Variants in NYAP2 observed in about 807,000 individuals in gnomAD.
The protein encoded by NYAP2 is neuronal tyrosine-phosphorylated phosphoinositide-3-kinase adapter 2.
A neutral mutation model predicts 50.4 loss-of-function variants in NYAP2; 23 were observed. The ratio of observed to expected loss-of-function variants is 0.46; its 90% confidence interval spans 0.33 to 0.65. NYAP2 has a LOEUF of 0.65. Ranked by LOEUF, NYAP2 falls within the 30% of genes least tolerant of loss-of-function variation. The pLI is 0.02. For synonymous variants in NYAP2, 394 were observed against 365.2 expected, an observed-to-expected ratio of 1.08 and a Z score of -0.90; for missense variants, 885 against 861.0, an observed-to-expected ratio of 1.03 and a Z score of -0.35.
Position 225,400,466 on chromosome 2 carries a change from A to T in NYAP2, c.-500-95A>T, listed in dbSNP as rs1574594521. 3 of 152,138 alleles carry T rather than the reference A, an allele frequency of 2.0e-5. No homozygotes were observed. In the East Asian group the frequency reaches 5.8e-4, roughly 30 times the overall value. The allele number at this position is 152,138 out of a possible 1,614,324, so 9.4% of individuals were successfully genotyped here. A position where few individuals can be genotyped will look rare whatever the true frequency, so the allele number is the denominator to read the frequency against. On this transcript the variant is annotated intron_variant, in intron 1 of 6. Coordinates refer to ENST00000636099, the Ensembl canonical transcript of NYAP2. Reference sequence around the variant, plus strand: ...GGGCTGCTCCAAACCTTCTGTATGTAAGTGGCAATGAGAAAGAGCATCTTT... The same window carrying T: ...GGGCTGCTCCAAACCTTCTGTATGTTAGTGGCAATGAGAAAGAGCATCTTT...
chr2:225,464,592 G>A (rs1011842455), intron 3 of NYAP2, among the ~76,000 whole-genome samples: 1 of 152,144 alleles, frequency 6.6e-6, no homozygotes, highest in African/African-American at 2.4e-5. Flanking sequence ...CAGGGACAGG[G>A]GCTTGTGGAT....
chr2:225,701,976 A>T, the NYAP2 span: 1 of 151,914 alleles, frequency 6.6e-6, no homozygotes, highest in East Asian at 1.9e-4. Flanking sequence ...TTAACTAATA[A>T]AATAAGACAT....
intron 5 of NYAP2, among the ~76,000 whole-genome samples, chr2:225,589,827 G>T (rs1279974256): frequency 6.6e-6 from 1 of 151,970 alleles, no homozygotes; most frequent in African/African-American, 2.4e-5. Flanking sequence ...AAAAACCAAA[G>T]GGAAGGTTGG....
chr2:225,418,327 A>T (rs868552389), intron 3 of NYAP2, among the ~76,000 whole-genome samples: 1 of 152,172 alleles, frequency 6.6e-6, no homozygotes, highest in African/African-American at 2.4e-5. Flanking sequence ...TTGTGAGGAC[A>T]TGGAGGTTAC....
upstream of NYAP2, among the ~76,000 whole-genome samples, chr2:225,399,067 G>A (rs535372420): frequency 4.3e-4 from 65 of 152,050 alleles, no homozygotes; most frequent in African/African-American, 1.4e-3. Flanking sequence ...GAATATAGAC[G>A]TTAAAAAACA....
chr2:225,434,969 T>C (rs544567126), intron 3 of NYAP2, among the ~76,000 whole-genome samples: 131 of 152,360 alleles, frequency 8.6e-4, no homozygotes, highest in African/African-American at 3.1e-3. Flanking sequence ...TCTTGAAAGC[T>C]ATTGTGCAAC....
At chr2:225,565,981 A>G (rs1691953782) in intron 4 of NYAP2, among the ~76,000 whole-genome samples, 1 of 152,190 alleles carries the variant, frequency 6.6e-6, no homozygotes, top group African/African-American at 2.4e-5. Flanking sequence ...TTTTGACAGT[A>G]TGGTGACTAG....
intron 3 of NYAP2, among the ~76,000 whole-genome samples, chr2:225,477,947 T>G (rs1305146260): frequency 6.6e-6 from 1 of 152,086 alleles, no homozygotes; most frequent in Non-Finnish European, 1.5e-5. Flanking sequence ...TATCAATCCT[T>G]GTATTAAAAG....
At chr2:225,499,615 A>T (rs1027490065) in intron 3 of NYAP2, among the ~76,000 whole-genome samples, 2 of 152,074 alleles carry the variant, frequency 1.3e-5, no homozygotes, top group African/African-American at 4.8e-5. Flanking sequence ...CGCTTTAAGA[A>T]AACCATTTCA....
chr2:225,521,300 C>G (rs1032910357), intron 4 of NYAP2, among the ~76,000 whole-genome samples: 1 of 151,874 alleles, frequency 6.6e-6, no homozygotes, highest in African/African-American at 2.4e-5. Flanking sequence ...GCCAGAACTT[C>G]CAACACTATG....
intron 6 of NYAP2, among the ~76,000 whole-genome samples, chr2:225,639,063 G>GAAAA (rs57481799): frequency 2.0e-5 from 3 of 150,208 alleles, no homozygotes; most frequent in Non-Finnish European, 1.5e-5. Flanking sequence ...TCATCAAAGT[G>GAAAA]AAAAAAAAAA....
At chr2:225,497,731 T>C (rs1395001580) in intron 3 of NYAP2, among the ~76,000 whole-genome samples, 1 of 152,150 alleles carries the variant, frequency 6.6e-6, no homozygotes, top group African/African-American at 2.4e-5. Flanking sequence ...TTAGGAGCAG[T>C]GTTAGAAATG....
intron 3 of NYAP2, among the ~76,000 whole-genome samples, chr2:225,459,114 G>A (rs1689783933): frequency 6.6e-6 from 1 of 152,172 alleles, no homozygotes; most frequent in Non-Finnish European, 1.5e-5. Flanking sequence ...GTATCATACT[G>A]TGTTATATGG....
At chr2:225,476,711 C>T (rs1690113903) in intron 3 of NYAP2, among the ~76,000 whole-genome samples, 1 of 152,106 alleles carries the variant, frequency 6.6e-6, no homozygotes, top group Admixed American at 6.5e-5. Context: ...TTCAAGCACA[C>T]ACCAGTGGTC....
At chr2:225,597,377 T>C (rs987319036) in intron 5 of NYAP2, among the ~76,000 whole-genome samples, 67 of 151,150 alleles carry the variant, frequency 4.4e-4, no homozygotes, top group African/African-American at 1.6e-3. Context: ...CTCCCACTTA[T>C]AAGTGAGAAC....
At chr2:225,463,873 G>T (rs796881936) in intron 3 of NYAP2, among the ~76,000 whole-genome samples, 6 of 152,300 alleles carry the variant, frequency 3.9e-5, no homozygotes, top group African/African-American at 1.4e-4. Context: ...CTTGTGTGGA[G>T]GGGCAGCTGT....
chr2:225,678,035 A>G, the NYAP2 span, among the ~76,000 whole-genome samples: 1 of 152,046 alleles, frequency 6.6e-6, no homozygotes, highest in African/African-American at 2.4e-5. Flanking sequence ...CTATGAGTCC[A>G]TCTGGTCCAG....
intron 6 of NYAP2, among the ~76,000 whole-genome samples, chr2:225,635,138 C>T (rs1693390108): frequency 6.6e-6 from 1 of 152,184 alleles, no homozygotes; most frequent in African/African-American, 2.4e-5. Flanking sequence ...AGAAGACTCC[C>T]ATGCACACAA....
Position 225,496,309 on chromosome 2 carries a change from G to GA in NYAP2, c.222-17052dup, listed in dbSNP as rs376784365. ...CTGAGTGTGGTGGCTATGACAGGAAGAAAAAAAAAATATCTTTGGGGAGAA... is the reference window on the plus strand; with the variant it reads ...CTGAGTGTGGTGGCTATGACAGGAAGAAAAAAAAAAATATCTTTGGGGAGAA... On this transcript the variant is annotated intron_variant, in intron 3 of 6. Transcript: ENST00000636099. Among the ~76,000 whole-genome samples, 40 of 149,042 alleles carry GA rather than the reference G, an allele frequency of 2.7e-4. 1 individual carries two copies. Among genetic ancestry groups the GA allele is most frequent in the Middle Eastern group, 3.4e-3 (1 of 292 alleles).
Sources: gnomAD v4.1 joint callset for allele counts (sites outside exome capture counted in the v4.1 genomes callset) on GRCh38, gnomAD v4.1.1 for gene constraint, MANE v1.5 for transcripts, NCBI Gene and HGNC (gene_info 2026-07-23, HGNC 2026-07-21) for gene names.